DAB1: variants seen among roughly 807,000 people sequenced by gnomAD.
DAB1 encodes the protein DAB adaptor protein 1.
Under a neutral mutation model 64.6 loss-of-function variants are expected in DAB1, and 15 were observed. The ratio of observed to expected loss-of-function variants is 0.23; its 90% CI spans 0.16 to 0.36. DAB1 has a LOEUF of 0.36. Among genes scored for constraint, DAB1 ranks in the 10% least tolerant of loss-of-function variants. The probability of loss-of-function intolerance (pLI) is 1.00; values close to 1 mark genes in which losing one functional copy is unlikely to be tolerated. For synonymous variants in DAB1, 235 were observed against 251.9 expected, an observed-to-expected ratio of 0.93 and a Z score of 0.64; for missense variants, 596 against 706.7, an observed-to-expected ratio of 0.84 and a Z score of 1.78.
At chr1:57,605,897 T>C in intron 7 of DAB1, 2 of 669,308 alleles carry the variant, frequency 3.0e-6, no homozygotes, top group Non-Finnish European at 2.8e-6. Context: ...TCAGTACTGA[T>C]GGAAGTAATC....
At chr1:58,499,930 T>C (rs1009605515) in intron 3 of DAB1, among the ~76,000 whole-genome samples, 1 of 151,970 alleles carries the variant, frequency 6.6e-6, no homozygotes, top group Non-Finnish European at 1.5e-5. Context: ...CATCAACTAC[T>C]TATTCACAAA....
chr1:58,081,291 C>T (rs757450811), intron 5 of DAB1, among the ~76,000 whole-genome samples: 8 of 152,180 alleles, frequency 5.3e-5, no homozygotes, highest in African/African-American at 1.4e-4. Context: ...TAAATTGTGA[C>T]GCAGCAACAA....
chr1:57,673,171 C>T (rs957010513), intron 6 of DAB1, among the ~76,000 whole-genome samples: 1 of 152,076 alleles, frequency 6.6e-6, no homozygotes, highest in Non-Finnish European at 1.5e-5. Context: ...ATCTTCTTCT[C>T]GCTGTGTCCT....
intron 7 of DAB1, among the ~76,000 whole-genome samples, chr1:57,606,977 G>A (rs1282366934): frequency 2.6e-5 from 4 of 151,382 alleles, no homozygotes; most frequent in Non-Finnish European, 5.9e-5. Flanking sequence ...AATAGAGACG[G>A]GGTGTCACCA....
chr1:57,348,309 C>T (rs1558213653), intron 1 of DAB1, among the ~76,000 whole-genome samples: 1 of 152,094 alleles, frequency 6.6e-6, no homozygotes, highest in Non-Finnish European at 1.5e-5. Context: ...GGGGCTAAAA[C>T]AGAGCTGTGA....
At chr1:57,939,158 CCTT>C (rs1317565902) in intron 5 of DAB1, among the ~76,000 whole-genome samples, 1 of 152,042 alleles carries the variant, frequency 6.6e-6, no homozygotes, top group East Asian at 1.9e-4. Context: ...TCACAGATGA[CCTT>C]CTTCTCTCAT....
At chr1:57,193,381 G>GTTTTTTTTTTTTTTTTTTTT (rs999329119) in intron 2 of DAB1, among the ~76,000 whole-genome samples, 1 of 83,060 alleles carries the variant, frequency 1.2e-5, no homozygotes, top group Admixed American at 1.9e-4. Flanking sequence ...CGTAGCATAT[G>GTTTTTTTTTTTTTTTTTTTT]TTTTTTTTTT....
intron 1 of DAB1, among the ~76,000 whole-genome samples, chr1:58,535,144 A>G (rs1646496437): frequency 6.6e-6 from 1 of 152,200 alleles, no homozygotes; most frequent in South Asian, 2.1e-4. Context: ...AGAACTAATG[A>G]GCATTATCAC....
chr1:57,270,130 T>C (rs1670881269), intron 2 of DAB1, among the ~76,000 whole-genome samples: 1 of 152,158 alleles, frequency 6.6e-6, no homozygotes, highest in South Asian at 2.1e-4. Flanking sequence ...TCTCCAAACA[T>C]GCCCTCTTCC....
chr1:58,423,270 C>A (rs1323081531), intron 3 of DAB1, among the ~76,000 whole-genome samples: 1 of 152,204 alleles, frequency 6.6e-6, no homozygotes, highest in Admixed American at 6.5e-5. Flanking sequence ...CAGTCTTAGA[C>A]CTCCAGATCT....
chr1:58,132,689 T>C (rs1653697969), intron 5 of DAB1, among the ~76,000 whole-genome samples: 1 of 152,112 alleles, frequency 6.6e-6, no homozygotes, highest in Non-Finnish European at 1.5e-5. Flanking sequence ...ACAAACAGGA[T>C]TCTGTGCTCC....
At chr1:57,889,410 C>T (rs1006951385) in intron 5 of DAB1, among the ~76,000 whole-genome samples, 2 of 152,246 alleles carry the variant, frequency 1.3e-5, no homozygotes, top group Non-Finnish European at 2.9e-5. Flanking sequence ...AAGCTAATTT[C>T]CACACAGGTC....
At chr1:57,855,711 T>C (rs1443471233) in intron 1 of DAB1, among the ~76,000 whole-genome samples, 1 of 152,060 alleles carries the variant, frequency 6.6e-6, no homozygotes, top group Non-Finnish European at 1.5e-5. Flanking sequence ...AGAAAAGTGG[T>C]AGGTGGAAGC....
At chr1:57,072,655 C>T (rs577781051) in intron 4 of DAB1, among the ~76,000 whole-genome samples, 1 of 152,210 alleles carries the variant, frequency 6.6e-6, no homozygotes, top group Non-Finnish European at 1.5e-5. Context: ...TAAGCATCTG[C>T]AACAGTGGCT....
intron 5 of DAB1, among the ~76,000 whole-genome samples, chr1:58,008,129 C>T (rs1253810202): frequency 1.3e-5 from 2 of 151,876 alleles, no homozygotes; most frequent in Non-Finnish European, 2.9e-5. Flanking sequence ...ACCTCTATAC[C>T]CTGAGAGATA....
chr1:57,194,730 T>C (rs536976161), intron 2 of DAB1, among the ~76,000 whole-genome samples: 1 of 152,318 alleles, frequency 6.6e-6, no homozygotes, highest in East Asian at 1.9e-4. Context: ...GTGACAGTTG[T>C]GTGCCATGCA....
In DAB1 at chr1:57,593,322, A is replaced by G. The variant is rs374223374; in HGVS notation, n.625+56270T>C. Among the ~76,000 whole-genome samples, 8 of 152,296 alleles carry G rather than the reference A, an allele frequency of 5.3e-5. No homozygotes were observed. The South Asian group carries it at 1.2e-3, about 24-fold the overall frequency. ...ATGTCAAGGTTCATCCATGTTATAG[A>G]AAGTGTCCGAATTTTTTTGTTTTTC... On this transcript the variant is annotated intron_variant and non_coding_transcript_variant, in intron 7 of 20. Coordinates refer to the DAB1 transcript ENST00000485760.
At chr1:57,604,613 C>T (rs1021199764) in intron 7 of DAB1, among the ~76,000 whole-genome samples, 1 of 152,140 alleles carries the variant, frequency 6.6e-6, no homozygotes, top group African/African-American at 2.4e-5. Flanking sequence ...TAAATACAGT[C>T]ACTAAGTTTT....
At chr1:57,618,481 T>C (rs2101612712) in intron 7 of DAB1, among the ~76,000 whole-genome samples, 1 of 150,094 alleles carries the variant, frequency 6.7e-6, no homozygotes, top group East Asian at 2.0e-4. Context: ...CTGGGAAGTG[T>C]GTCAGTAAGT....
Sources: gnomAD v4.1 joint callset for allele counts (sites outside exome capture counted in the v4.1 genomes callset) on GRCh38, gnomAD v4.1.1 for gene constraint, MANE v1.5 for transcripts, NCBI Gene and HGNC (gene_info 2026-07-23, HGNC 2026-07-21) for gene names.